The following TNIK variants were observed in gnomAD, a reference collection of about 807,000 sequenced individuals.
TNIK encodes TRAF2 and NCK interacting kinase.
Under a neutral mutation model 191.3 loss-of-function variants are expected in TNIK, and 49 were observed. That is an observed-to-expected ratio of 0.26 (90% CI 0.20 to 0.32). The LOEUF is 0.32. TNIK is among the 10% of genes least tolerant of loss of function. The pLI, the probability that TNIK is intolerant of heterozygous loss-of-function variation, is 1.00. For synonymous variants in TNIK, 594 were observed against 600.9 expected (o/e 0.99, Z 0.17); for missense variants, 1,155 against 1,702.3 (o/e 0.68, Z 5.66).
chr3:171,132,781 C>T (rs565403637), intron 15 of TNIK, among the ~76,000 whole-genome samples: 1 of 152,222 alleles, frequency 6.6e-6, no homozygotes, highest in African/African-American at 2.4e-5. Flanking sequence ...CATATGGGTG[C>T]ATTCTAATAA....
Position 171,457,905 on chromosome 3 carries a change from C to G in TNIK, c.57+2102G>C, listed in dbSNP as rs146700942. 1.9e-3 allele frequency among the ~76,000 whole-genome samples: 289 copies of G among 152,318 alleles called. 1 individual carries two copies. Among genetic ancestry groups the G allele is most frequent in the African/African-American group, 6.6e-3 (274 of 41,570 alleles). On this transcript the variant is annotated intron_variant, in intron 1 of 32. Coordinates refer to ENST00000436636, the MANE Select transcript of TNIK (RefSeq NM_015028.4). ...AAATACAGATCACAAGAAAGCACAT[C>G]CCAAGTGTGAACCGCAGTCGTCCGC...
chr3:171,327,731 C>T (rs530206980), intron 2 of TNIK, among the ~76,000 whole-genome samples: 4 of 151,798 alleles, frequency 2.6e-5, no homozygotes, highest in East Asian at 1.9e-4. Context: ...AATGTGTTAC[C>T]GCAGCATAGC....
intron 29 of TNIK, among the ~76,000 whole-genome samples, chr3:171,070,986 G>T (rs1377164543): frequency 2.0e-5 from 3 of 152,146 alleles, no homozygotes; most frequent in African/African-American, 7.2e-5. Context: ...GCCTCTTGAG[G>T]ATGATGATTC....
At chr3:171,202,214 T>G (rs547338740) in intron 4 of TNIK, among the ~76,000 whole-genome samples, 15 of 139,076 alleles carry the variant, frequency 1.1e-4, no homozygotes, top group African/African-American at 3.7e-4. Flanking sequence ...TATATATATG[T>G]TTTTTTTTTG....
At chr3:171,353,439 C>G (rs528208977) in intron 2 of TNIK, among the ~76,000 whole-genome samples, 24 of 152,200 alleles carry the variant, frequency 1.6e-4, no homozygotes, top group African/African-American at 5.5e-4. Flanking sequence ...AGCCTGCTAC[C>G]GAGCCTTTCC....
chr3:171,379,413 GC>G (rs1717710779), intron 1 of TNIK, among the ~76,000 whole-genome samples: 1 of 152,206 alleles, frequency 6.6e-6, no homozygotes. Flanking sequence ...GCATAGCACA[GC>G]TATTTTAATC....
At chr3:171,254,097 C>A (rs1560326875) in intron 2 of TNIK, among the ~76,000 whole-genome samples, 3 of 152,028 alleles carry the variant, frequency 2.0e-5, no homozygotes, top group African/African-American at 4.8e-5. Flanking sequence ...ATTAAATTTC[C>A]TTTTTTCTTA....
intron 7 of TNIK, among the ~76,000 whole-genome samples, chr3:171,181,169 C>A (rs371299981): frequency 2.6e-5 from 4 of 152,320 alleles, no homozygotes; most frequent in African/African-American, 9.6e-5. Context: ...ACAGGCAGAT[C>A]CGAATTCAAA....
chr3:171,194,890 T>C (rs1409201903), intron 4 of TNIK, among the ~76,000 whole-genome samples: 5 of 150,762 alleles, frequency 3.3e-5, no homozygotes, highest in Non-Finnish European at 5.9e-5. Context: ...ATTCTAAGTA[T>C]TTTTTTTTAA....
At chr3:171,182,167 ATTTTTTTTTTTTTT>A (rs749734562) in intron 7 of TNIK, among the ~76,000 whole-genome samples, 14 of 65,610 alleles carry the variant, frequency 2.1e-4, no homozygotes, top group Middle Eastern at 0.011. Context: ...CATTGTTAGG[ATTTTTTTTTTTTTT>A]TTTTTTTTTT....
At chr3:171,336,068 A>T (rs1028907954) in intron 2 of TNIK, among the ~76,000 whole-genome samples, 1 of 152,166 alleles carries the variant, frequency 6.6e-6, no homozygotes, top group African/African-American at 2.4e-5. Context: ...CAGGCCAATC[A>T]GATAGCTTCT....
Position 171,162,162 on chromosome 3 carries a change from C to A in TNIK, c.950-826G>T, listed in dbSNP as rs148836566. Among the ~76,000 whole-genome samples, 352 of 152,186 alleles carry A rather than the reference C, an allele frequency of 2.3e-3. 1 individual carries two copies. The highest frequency in any genetic ancestry group is 7.9e-3 in the African/African-American group (327 of 41,524). ...AGTGGCCGGGTGCGGTGGTTCACGC[C>A]TGTAATCCCAGCACTTTGGGAGGCC... On this transcript the variant is annotated intron_variant, in intron 10 of 32. Coordinates refer to ENST00000436636, the MANE Select transcript of TNIK (RefSeq NM_015028.4).
At chr3:171,142,609 G>T (rs937824955) in intron 12 of TNIK, among the ~76,000 whole-genome samples, 2 of 152,356 alleles carry the variant, frequency 1.3e-5, no homozygotes. Flanking sequence ...TAGGAGTGGG[G>T]TGGGTACCAG....
intron 1 of TNIK, among the ~76,000 whole-genome samples, chr3:171,375,523 CTCTT>C (rs1717093526): frequency 1.3e-5 from 2 of 151,820 alleles, no homozygotes; most frequent in African/African-American, 4.9e-5. Context: ...GAAATAAATA[CTCTT>C]TCTTTCAGCT....
chr3:171,079,926 T>C (rs541586250), intron 27 of TNIK, among the ~76,000 whole-genome samples: 25 of 152,336 alleles, frequency 1.6e-4, no homozygotes, highest in Admixed American at 3.3e-4. Flanking sequence ...TTACTCTCTC[T>C]TCCCAATGCA....
intron 2 of TNIK, among the ~76,000 whole-genome samples, chr3:171,346,221 A>T (rs1272884133): frequency 6.6e-6 from 1 of 152,154 alleles, no homozygotes; most frequent in Admixed American, 6.5e-5. Flanking sequence ...TTACTCTAAA[A>T]GCTTAACAAT....
rs753010233 is a variant in TNIK at position 171,214,494 on chromosome 3, C to T, written c.181-3253G>A. Among the ~76,000 whole-genome samples the T allele has an allele frequency of 1.4e-4, 21 of 152,338 alleles. 1 individual carries two copies. The highest frequency in any genetic ancestry group is 1.2e-3 in the South Asian group (6 of 4,832). Reference sequence around the variant, plus strand: ...TAGGAGACAATTTATCATAAAGGATCACAGGCTACGAGAATTTGAATAGCC... The same window carrying T: ...TAGGAGACAATTTATCATAAAGGATTACAGGCTACGAGAATTTGAATAGCC... On this transcript the variant is annotated intron_variant, in intron 3 of 32. Coordinates refer to ENST00000436636, the MANE Select transcript of TNIK (RefSeq NM_015028.4).
chr3:171,271,751 T>C (rs751247265), intron 2 of TNIK, among the ~76,000 whole-genome samples: 1 of 152,226 alleles, frequency 6.6e-6, no homozygotes, highest in African/African-American at 2.4e-5. Flanking sequence ...AACAGTGTGC[T>C]ACAACCTATT....
intron 2 of TNIK, among the ~76,000 whole-genome samples, chr3:171,342,419 T>A (rs1226631848): frequency 6.6e-6 from 1 of 152,222 alleles, no homozygotes; most frequent in Non-Finnish European, 1.5e-5. Flanking sequence ...CTCCACAGGC[T>A]GGCAGAAAGG....
Sources: gnomAD v4.1 joint callset for allele counts (sites outside exome capture counted in the v4.1 genomes callset) on GRCh38, gnomAD v4.1.1 for gene constraint, MANE v1.5 for transcripts, NCBI Gene and HGNC (gene_info 2026-07-23, HGNC 2026-07-21) for gene names.